The following HIVEP2 variants were observed in gnomAD, a reference collection of about 807,000 sequenced individuals.
HIVEP2 encodes the protein transcription factor HIVEP2.
HIVEP2 carries 14 observed loss-of-function variants against 180.7 expected under a neutral mutation model. The observed-to-expected ratio is 0.08, with a 90% CI of 0.05 to 0.12. The LOEUF (loss-of-function observed/expected upper bound fraction) is 0.12. Ranked by LOEUF, HIVEP2 falls within the 10% of genes least tolerant of loss-of-function variation. HIVEP2 has a pLI of 1.00. For missense variants in HIVEP2, 2,579 were observed against 3,008.5 expected, an observed-to-expected ratio of 0.86 and a Z score of 3.34; for synonymous variants, 1,184 against 1,136.4, an observed-to-expected ratio of 1.04 and a Z score of -0.84.
In HIVEP2 at chr6:142,753,890, G is replaced by A; in HGVS notation, c.6558C>T (p.Leu2186=). Reference sequence around the variant, plus strand: ...CATAAGCACCTTCTTGGTCTCCATAGAGACTGAAGTAAGGAACCTGAGGTA... The same window carrying A: ...CATAAGCACCTTCTTGGTCTCCATAAAGACTGAAGTAAGGAACCTGAGGTA... The part of the protein sequence containing the change: ...RGLPQVPYFS[L]YGDQEGAYEH... The change falls in exon 10 of 10, where the codon CTC becomes CTT. Residue 2186 remains leucine (L), a synonymous_variant. Transcript: ENST00000367603. 1 of 1,611,444 alleles carries A rather than the reference G, an allele frequency of 6.2e-7. No homozygotes were observed. The highest frequency in any genetic ancestry group is 8.5e-7 in the Non-Finnish European group (1 of 1,178,260).
rs546120134 is a variant in HIVEP2, at chr6:142,830,905, G to A, written c.-528+6030C>T. Among the ~76,000 whole-genome samples the A allele has an allele frequency of 2.6e-5, 4 of 152,266 alleles. No homozygotes were observed. In the South Asian group the frequency reaches 6.2e-4, roughly 24 times the overall value. ...ACCCAATCAGGCAGCCCCTATGCTG[G>A]TGTCCTGCATACTTTCCTTCATACA... On this transcript the variant is annotated intron_variant, in intron 2 of 9. Coordinates refer to ENST00000367603, the MANE Select transcript of HIVEP2 (RefSeq NM_006734.4).
intron 1 of HIVEP2, among the ~76,000 whole-genome samples, chr6:142,939,081 C>T (rs1778116518): frequency 1.3e-5 from 2 of 151,738 alleles, no homozygotes. Context: ...AAATATATTC[C>T]GTAGTAAAAA....
chr6:142,928,524 C>T (rs1185497225), intron 1 of HIVEP2, among the ~76,000 whole-genome samples: 5 of 152,266 alleles, frequency 3.3e-5, no homozygotes, highest in Middle Eastern at 3.4e-3. Flanking sequence ...CAGTCATGTA[C>T]TATTTAAGGC....
chr6:142,888,144 C>T (rs1256702714), intron 1 of HIVEP2, among the ~76,000 whole-genome samples: 2 of 152,172 alleles, frequency 1.3e-5, no homozygotes, highest in East Asian at 1.9e-4. Flanking sequence ...AGATAACTCA[C>T]ATTTAGACTA....
intron 2 of HIVEP2, among the ~76,000 whole-genome samples, chr6:142,813,829 G>A (rs1776762349): frequency 6.6e-6 from 1 of 151,834 alleles, no homozygotes; most frequent in Non-Finnish European, 1.5e-5. Context: ...GCCTCCCAAA[G>A]TGCTGGGATT....
chr6:142,944,256 T>C (rs1414577018), intron 1 of HIVEP2, among the ~76,000 whole-genome samples: 1 of 151,978 alleles, frequency 6.6e-6, no homozygotes, highest in Non-Finnish European at 1.5e-5. Context: ...TGTCCTCTGC[T>C]GCACTGGATG....
intron 1 of HIVEP2, among the ~76,000 whole-genome samples, chr6:142,937,810 G>T (rs1365528851): frequency 1.3e-5 from 2 of 152,238 alleles, no homozygotes; most frequent in East Asian, 1.9e-4. Context: ...GTTTCTTTAA[G>T]TATACACATC....
intron 1 of HIVEP2, among the ~76,000 whole-genome samples, chr6:142,900,305 C>G (rs142066028): frequency 4.3e-4 from 66 of 152,214 alleles, no homozygotes; most frequent in African/African-American, 1.5e-3. Context: ...CTGCAAAGCA[C>G]AGTGAGAGAA....
At chr6:142,906,024 C>T (rs1777256620) in intron 1 of HIVEP2, among the ~76,000 whole-genome samples, 1 of 152,188 alleles carries the variant, frequency 6.6e-6, no homozygotes, top group South Asian at 2.1e-4. Context: ...ATCCCAGCTA[C>T]TTGGGAGGCT....
chr6:142,789,737 T>C (rs974448113), intron 2 of HIVEP2, among the ~76,000 whole-genome samples: 1 of 152,282 alleles, frequency 6.6e-6, no homozygotes, highest in South Asian at 2.1e-4. Context: ...TCTAACCCTA[T>C]TTCAGAAATT....
At chr6:142,755,807 C>T (rs776425747) in intron 9 of HIVEP2, among the ~76,000 whole-genome samples, 3 of 152,200 alleles carry the variant, frequency 2.0e-5, no homozygotes, top group Non-Finnish European at 4.4e-5. Flanking sequence ...CACAGAGCTA[C>T]GTGTACAAGT....
intron 2 of HIVEP2, among the ~76,000 whole-genome samples, chr6:142,793,659 T>C (rs868227194): frequency 0.084 from 8,724 of 103,302 alleles, 353 homozygotes; most frequent in African/African-American, 0.11. Context: ...TTTCTTTCTT[T>C]TTTCTTTCTT....
At chr6:142,894,790 G>C (rs1355201176) in intron 1 of HIVEP2, among the ~76,000 whole-genome samples, 2 of 152,162 alleles carry the variant, frequency 1.3e-5, no homozygotes, top group Non-Finnish European at 2.9e-5. Flanking sequence ...GTTAGTGGTA[G>C]AGCAGTCATT....
intron 1 of HIVEP2, among the ~76,000 whole-genome samples, chr6:142,911,123 C>T (rs1215313721): frequency 1.2e-5 from 1 of 81,684 alleles, no homozygotes; most frequent in African/African-American, 5.8e-5. Flanking sequence ...ATATGGAAGA[C>T]AAAGCACAAA....
At chr6:142,755,351 T>C (rs1010640628) in intron 9 of HIVEP2, among the ~76,000 whole-genome samples, 3 of 152,154 alleles carry the variant, frequency 2.0e-5, no homozygotes, top group Admixed American at 6.5e-5. Flanking sequence ...AAAATCCCCC[T>C]TGTATTTAAT....
chr6:142,841,245 C>T (rs1775354685), intron 1 of HIVEP2, among the ~76,000 whole-genome samples: 1 of 152,022 alleles, frequency 6.6e-6, no homozygotes, highest in Admixed American at 6.6e-5. Context: ...ATCCATAATA[C>T]TATTTACTAA....
chr6:142,798,470 TA>T (rs1244261657), intron 2 of HIVEP2, among the ~76,000 whole-genome samples: 4 of 152,118 alleles, frequency 2.6e-5, no homozygotes, highest in African/African-American at 9.7e-5. Context: ...ATGCTATAAT[TA>T]AAACGCCTTG....
intron 1 of HIVEP2, among the ~76,000 whole-genome samples, chr6:142,908,203 C>T (rs910622580): frequency 3.9e-5 from 6 of 152,176 alleles, no homozygotes; most frequent in Non-Finnish European, 1.5e-5. Context: ...TTGAATGGTG[C>T]CCTCACGATT....
chr6:142,799,074 A>C (rs1776346730), intron 2 of HIVEP2, among the ~76,000 whole-genome samples: 1 of 152,188 alleles, frequency 6.6e-6, no homozygotes, highest in Non-Finnish European at 1.5e-5. Flanking sequence ...TTTTGCATGC[A>C]TGCAAGCACA....
Sources: gnomAD v4.1 joint callset for allele counts (sites outside exome capture counted in the v4.1 genomes callset) on GRCh38, gnomAD v4.1.1 for gene constraint, MANE v1.5 for transcripts, NCBI Gene and HGNC (gene_info 2026-07-23, HGNC 2026-07-21) for gene names.